Variants in SCAPER observed in about 807,000 individuals in gnomAD.
The protein encoded by SCAPER is S phase cyclin A-associated protein in the endoplasmic reticulum.
A neutral mutation model predicts 182.2 loss-of-function variants in SCAPER; 98 were observed. That is an observed-to-expected ratio of 0.54 (90% CI 0.46 to 0.64). SCAPER has a LOEUF of 0.64. SCAPER is among the 30% of genes least tolerant of loss of function. The pLI is 0.00. For missense variants in SCAPER, 1,432 were observed against 1,690.0 expected (o/e 0.85, Z 2.68); for synonymous variants, 605 against 564.6 (o/e 1.07, Z -1.01).
chr15:76,734,791 G>A (rs1401866001), intron 15 of SCAPER, among the ~76,000 whole-genome samples: 4 of 152,016 alleles, frequency 2.6e-5, no homozygotes, highest in Non-Finnish European at 5.9e-5. Flanking sequence ...AGAACTGCTT[G>A]AACCCGGGAG....
intron 23 of SCAPER, among the ~76,000 whole-genome samples, chr15:76,511,843 A>ATATGTGTGTGTGTGTGTGTGTGTGTG (rs151255382): frequency 8.1e-6 from 1 of 123,308 alleles, no homozygotes; most frequent in African/African-American, 3.4e-5. Flanking sequence ...ATATATATAT[A>ATATGTGTGTGTGTGTGTGTGTGTGTG]TGTGTGTGTG....
rs2063487641 is a variant in SCAPER at position 76,771,862 on chromosome 15, A to G, written c.1128T>C (p.Asp376=). 6.2e-7 allele frequency: 1 copy of G among 1,612,884 alleles called. No individual in the cohort carries two copies. The highest frequency in any genetic ancestry group is 1.7e-5 in the Admixed American group (1 of 59,998). The part of the protein sequence containing the change: ...RTSEISAVHI[D]TECVSVMLQA... Reference sequence around the variant, plus strand: ...GCAGCATAACTGAAACACACTCTGTATCAATGTGGACAGCAGATATTTCAG... The same window carrying G: ...GCAGCATAACTGAAACACACTCTGTGTCAATGTGGACAGCAGATATTTCAG... Residue 376 remains aspartate (D), a synonymous_variant, in exon 10 of 32, where the codon GAT becomes GAC. Coordinates refer to ENST00000563290, the MANE Select transcript of SCAPER (RefSeq NM_020843.4).
At chr15:76,605,096 G>C (rs1356783841) in intron 22 of SCAPER, among the ~76,000 whole-genome samples, 1 of 152,132 alleles carries the variant, frequency 6.6e-6, no homozygotes, top group African/African-American at 2.4e-5. Context: ...TCCCTGTCTT[G>C]TGCCCGTTTT....
At chr15:76,807,130 G>A (rs563594023) in intron 5 of SCAPER, among the ~76,000 whole-genome samples, 80 of 152,110 alleles carry the variant, frequency 5.3e-4, no homozygotes, top group Non-Finnish European at 7.9e-4. Context: ...TCACTCTCTT[G>A]TTCCTGATCT....
intron 24 of SCAPER, among the ~76,000 whole-genome samples, chr15:76,482,657 G>A (rs1378092699): frequency 6.6e-6 from 1 of 152,174 alleles, no homozygotes; most frequent in African/African-American, 2.4e-5. Flanking sequence ...AAGCAAAGCT[G>A]TAGGTCACAC....
In SCAPER at chr15:76,422,861, G is replaced by A. The variant is rs991578134; in HGVS notation, c.3311+11217C>T. Among the ~76,000 whole-genome samples the A allele has an allele frequency of 2.0e-5, 3 of 152,288 alleles. No individual in the cohort carries two copies. The South Asian group carries it at 6.2e-4, about 32-fold the overall frequency. On this transcript the variant is annotated intron_variant, in intron 26 of 31. Transcript: ENST00000563290. ...TTGAATTTTGTCAAAGGCCTTTTCT[G>A]CATCTGTTGAGATAATCATGTGGTT...
chr15:76,875,349 C>T (rs916293367), intron 2 of SCAPER, among the ~76,000 whole-genome samples: 2 of 152,088 alleles, frequency 1.3e-5, no homozygotes, highest in African/African-American at 4.8e-5. Context: ...TGTATAAGCA[C>T]ACAAACGTAG....
At chr15:76,854,118 A>T (rs1387809293) in intron 4 of SCAPER, among the ~76,000 whole-genome samples, 1 of 152,042 alleles carries the variant, frequency 6.6e-6, no homozygotes, top group Non-Finnish European at 1.5e-5. Flanking sequence ...AAAATACAAA[A>T]ATTAGCTGGG....
chr15:76,348,859 T>C lies in SCAPER; in HGVS notation c.4100-123A>G, dbSNP rs199536038. The C allele has an allele frequency of 1.4e-4, 84 of 604,494 alleles. No individual in the cohort carries two copies. The East Asian group carries it at 2.4e-3, about 17-fold the overall frequency. 37.4% of individuals were successfully genotyped at this position (604,494 alleles called of 1,614,324 possible). On this transcript the variant is annotated intron_variant, in intron 31 of 31. Transcript: ENST00000563290. ...GGAGATATCCACTTCAAATAAACCA[T>C]GACACAATTTAGGTAAATAAGGTGA... is the stretch of plus-strand genomic sequence containing the variant.
chr15:76,804,743 C>A, intron 5 of SCAPER, 110 bp from the exon 6 acceptor site: 1 of 547,478 alleles, frequency 1.8e-6, no homozygotes, highest in South Asian at 3.7e-5. Flanking sequence ...TTATACTCTT[C>A]AATGAAAAAG....
chr15:76,614,497 G>A (rs1032892705), intron 22 of SCAPER, among the ~76,000 whole-genome samples: 2 of 152,144 alleles, frequency 1.3e-5, no homozygotes, highest in South Asian at 2.1e-4. Flanking sequence ...ACAACAGGAT[G>A]AAGTTAGAAA....
At chr15:76,733,160 C>G (rs2061025680) in intron 16 of SCAPER, 69 bp downstream of exon 16, 1 of 1,429,046 alleles carries the variant, frequency 7.0e-7, no homozygotes, top group Non-Finnish European at 9.4e-7. Flanking sequence ...AACCCACCGA[C>G]CCTGCGGGGC....
At chr15:76,700,313 C>T (rs1028026839) in intron 20 of SCAPER, among the ~76,000 whole-genome samples, 2 of 152,180 alleles carry the variant, frequency 1.3e-5, no homozygotes, top group African/African-American at 2.4e-5. Flanking sequence ...ACCCTCTGGA[C>T]TCTTCACAAG....
intron 23 of SCAPER, among the ~76,000 whole-genome samples, chr15:76,544,500 C>G (rs916077997): frequency 6.6e-6 from 1 of 152,062 alleles, no homozygotes; most frequent in South Asian, 2.1e-4. Context: ...TAACAGAATG[C>G]GGATACAAGC....
In SCAPER at chr15:76,841,775, A is replaced by G. The variant is rs2069508368; in HGVS notation, c.352T>C (p.Tyr118His). The G allele has an allele frequency of 2.5e-6, 4 of 1,613,840 alleles. No individual in the cohort carries two copies. Among genetic ancestry groups the G allele is most frequent in the Non-Finnish European group, 3.4e-6 (4 of 1,179,888 alleles). Residue 118 changes from tyrosine (Y) to histidine (H), a missense_variant, in exon 5 of 32, where the codon TAT (tyrosine) becomes CAT (histidine). This residue lies in a region of SCAPER where 480 missense variants were observed against 510.2 expected (regional missense o/e 0.94). Transcript: ENST00000563290. ...DNLRRAVDEI[Y>H]VTCESDQSVV... ...CTCTGATCTGATTCGCAAGTTACAT[A>G]GATTTCATCTACTGCTCGGCGAAGA...
intron 16 of SCAPER, among the ~76,000 whole-genome samples, chr15:76,731,748 G>A (rs553272843): frequency 6.6e-6 from 1 of 152,264 alleles, no homozygotes; most frequent in Non-Finnish European, 1.5e-5. Context: ...AAATCCATAG[G>A]AAACTTCAGC....
chr15:76,491,654 G>C (rs773928547), intron 24 of SCAPER, among the ~76,000 whole-genome samples: 11 of 152,020 alleles, frequency 7.2e-5, no homozygotes, highest in Non-Finnish European at 1.0e-4. Flanking sequence ...CTGTTTTTGA[G>C]ACAATCTTGT....
At chr15:76,782,310 A>T (rs552887263) in intron 8 of SCAPER, among the ~76,000 whole-genome samples, 2 of 152,338 alleles carry the variant, frequency 1.3e-5, no homozygotes, top group Admixed American at 1.3e-4. Flanking sequence ...ATACTAGTAA[A>T]GGGATCAATT....
At position 76,527,025 on chromosome 15, in the gene SCAPER, C is replaced by T. The variant is rs140799897; in HGVS notation, c.2839-22051G>A. Reference sequence around the variant, plus strand: ...TAGCTCGGATTACAGATGCCCAACACCATGACTGGCTAATTTTTTTTTGTA... The same window carrying T: ...TAGCTCGGATTACAGATGCCCAACATCATGACTGGCTAATTTTTTTTTGTA... On this transcript the variant is annotated intron_variant, in intron 23 of 31. Coordinates refer to ENST00000563290, the MANE Select transcript of SCAPER (RefSeq NM_020843.4). 3.9e-5 allele frequency among the ~76,000 whole-genome samples: 6 copies of T among 152,070 alleles called. No homozygotes were observed. In the East Asian group the frequency reaches 1.2e-3, roughly 29 times the overall value.
Sources: gnomAD v4.1 joint callset for allele counts (sites outside exome capture counted in the v4.1 genomes callset) on GRCh38, gnomAD v4.1.1 for gene constraint, gnomAD v4.1.1 regional missense constraint, MANE v1.5 for transcripts, NCBI Gene and HGNC (gene_info 2026-07-23, HGNC 2026-07-21) for gene names.